The following RBPMS variants were observed in gnomAD, a reference collection of about 807,000 sequenced individuals.
The protein encoded by RBPMS is RNA-binding protein with multiple splicing.
In RBPMS, 7 loss-of-function variants were observed where a neutral mutation model predicts 26.8. The observed-to-expected ratio is 0.26, with a 90% CI of 0.15 to 0.49. The LOEUF is 0.49. RBPMS is among the 20% of genes least tolerant of loss of function. The pLI, the probability that RBPMS is intolerant of heterozygous loss-of-function variation, is 0.98. For missense variants in RBPMS, 186 were observed against 250.0 expected (o/e 0.74, Z 1.73); for synonymous variants, 96 against 93.3 (o/e 1.03, Z -0.17).
chr8:30,485,105 A>G (rs1440917875), intron 4 of RBPMS, among the ~76,000 whole-genome samples: 1 of 152,234 alleles, frequency 6.6e-6, no homozygotes, highest in Non-Finnish European at 1.5e-5. Flanking sequence ...ATGGAGGGAT[A>G]CCAGGGCAGT....
chr8:30,521,562 T>G (rs1823025770), intron 5 of RBPMS, among the ~76,000 whole-genome samples: 1 of 152,136 alleles, frequency 6.6e-6, no homozygotes, highest in African/African-American at 2.4e-5. Flanking sequence ...CTTCTCTCCC[T>G]CAGTTAGGGT....
At chr8:30,530,819 T>C (rs1465894531) in intron 5 of RBPMS, among the ~76,000 whole-genome samples, 1 of 152,134 alleles carries the variant, frequency 6.6e-6, no homozygotes, top group African/African-American at 2.4e-5. Flanking sequence ...CCTATGAGAA[T>C]AGGTACTACT....
chr8:30,474,790 A>G lies in RBPMS; in HGVS notation c.78A>G (p.Leu26=), dbSNP rs770557248. 1.2e-6 allele frequency: 2 copies of G among 1,610,650 alleles called. No individual in the cohort carries two copies. The highest frequency in any genetic ancestry group is 2.2e-5 in the East Asian group (1 of 44,824). ...ANLQEEEVRT[L]FVSGLPLDIK... ...ATTTATTTTTCCAGGTCCGGACCCT[A>G]TTTGTCAGTGGCCTTCCTCTGGATA... Residue 26 remains leucine, a synonymous_variant, in exon 2 of 9, where the codon CTA becomes CTG. Coordinates refer to ENST00000397323, the MANE Select transcript of RBPMS (RefSeq NM_001008710.3).
At chr8:30,532,297 A>T (rs561954976) in intron 5 of RBPMS, among the ~76,000 whole-genome samples, 1 of 152,326 alleles carries the variant, frequency 6.6e-6, no homozygotes, top group Non-Finnish European at 1.5e-5. Context: ...AGATCATCTG[A>T]TGAATCAAGG....
intron 4 of RBPMS, among the ~76,000 whole-genome samples, chr8:30,480,600 C>T (rs1052905957): frequency 1.3e-5 from 2 of 152,176 alleles, no homozygotes; most frequent in African/African-American, 4.8e-5. Context: ...AAATGACCTT[C>T]TTGTCAGAAT....
chr8:30,391,294 C>T, intron 1 of RBPMS, among the ~76,000 whole-genome samples: 1 of 152,204 alleles, frequency 6.6e-6, no homozygotes, highest in East Asian at 1.9e-4. Context: ...CTTCCAGAAG[C>T]CTTGGTTAGG....
chr8:30,543,530 G>A (rs1356647454), intron 5 of RBPMS, among the ~76,000 whole-genome samples: 5 of 152,134 alleles, frequency 3.3e-5, no homozygotes, highest in South Asian at 4.1e-4. Flanking sequence ...CCTGGATAGC[G>A]TCCTTGGCAC....
intron 1 of RBPMS, among the ~76,000 whole-genome samples, chr8:30,385,782 G>A (rs1806993950): frequency 6.6e-6 from 1 of 152,158 alleles, no homozygotes. Context: ...GGTTAAAAAC[G>A]CAGCAATTCA....
At chr8:30,560,151 T>G (rs566537902) in intron 7 of RBPMS, among the ~76,000 whole-genome samples, 25 of 151,552 alleles carry the variant, frequency 1.6e-4, no homozygotes, top group Non-Finnish European at 3.5e-4. Context: ...TTTTAAAGAG[T>G]GCTAGGGTTT....
chr8:30,438,612 G>A (rs1473035130), intron 1 of RBPMS, among the ~76,000 whole-genome samples: 1 of 152,158 alleles, frequency 6.6e-6, no homozygotes, highest in Non-Finnish European at 1.5e-5. Context: ...GGCATAATGA[G>A]AGAGGCATTT....
At chr8:30,448,259 A>T (rs1814111552) in intron 1 of RBPMS, among the ~76,000 whole-genome samples, 1 of 152,160 alleles carries the variant, frequency 6.6e-6, no homozygotes. Context: ...TGTATTTGAC[A>T]TTTTTCACAT....
rs971772208 is a variant in RBPMS at position 30,556,854 on chromosome 8, C to T, written c.529-2033C>T. The T allele has an allele frequency of 1.2e-5, 10 of 867,032 alleles. No homozygotes were observed. The African/African-American group carries it at 1.8e-4, about 16-fold the overall frequency. The allele number at this position is 867,032 out of a possible 1,614,324, so 53.7% of individuals were successfully genotyped here. A position where few individuals can be genotyped will look rare whatever the true frequency, so the allele number is the denominator to read the frequency against. ...CCTCCCTCTCCTCCCCTAGACTCTTCTGTCCCCTTCCCTGCCCGCCCCTAC... is the reference window on the plus strand; with the variant it reads ...CCTCCCTCTCCTCCCCTAGACTCTTTTGTCCCCTTCCCTGCCCGCCCCTAC... On this transcript the variant is annotated intron_variant, in intron 6 of 8. Transcript: ENST00000397323.
chr8:30,384,733 G>C lies in RBPMS; in HGVS notation c.-360G>C, dbSNP rs537023353. 5.3e-6 allele frequency: 1 copy of C among 187,982 alleles called. No individual in the cohort carries two copies. Among genetic ancestry groups the C allele is most frequent in the African/African-American group, 2.4e-5 (1 of 41,946 alleles). 11.6% of individuals were successfully genotyped at this position (187,982 alleles called of 1,614,324 possible). On this transcript the variant is annotated 5_prime_UTR_variant, in exon 1 of 9. Transcript: ENST00000397323. This position sits in a 1 kb window ranked among gnomAD's most constrained non-coding sequence, Gnocchi z 5.6. ...GCTTACTCCTGGGACGCGCGTCCTC[G>C]CCCCATCCTTTGCTTCCTTCCTTCC...
intron 5 of RBPMS, among the ~76,000 whole-genome samples, chr8:30,535,620 T>G (rs1824709985): frequency 6.6e-6 from 1 of 152,178 alleles, no homozygotes; most frequent in African/African-American, 2.4e-5. Context: ...AGATATAGGG[T>G]GTCACTATGT....
chr8:30,564,080 G>C (rs1416728725), intron 7 of RBPMS: 1 of 152,222 alleles, frequency 6.6e-6, no homozygotes, highest in African/African-American at 2.4e-5. Context: ...GGCCAGGTAA[G>C]CAGCTCAGTG....
intron 5 of RBPMS, among the ~76,000 whole-genome samples, chr8:30,537,878 A>G (rs995413975): frequency 6.6e-6 from 1 of 152,240 alleles, no homozygotes; most frequent in Non-Finnish European, 1.5e-5. Context: ...TTGTTTGGAC[A>G]TGGGAAGTGA....
At chr8:30,420,782 C>G (rs910776975) in intron 1 of RBPMS, among the ~76,000 whole-genome samples, 1 of 152,128 alleles carries the variant, frequency 6.6e-6, no homozygotes, top group Non-Finnish European at 1.5e-5. Context: ...TCTGTCAAGC[C>G]TTCGTGTTTC....
At chr8:30,549,827 T>TCTCCTCTCTCTCTCTC (rs1491219678) in intron 6 of RBPMS, among the ~76,000 whole-genome samples, 1 of 135,128 alleles carries the variant, frequency 7.4e-6, no homozygotes, top group African/African-American at 3.1e-5. Flanking sequence ...TCTCTCTCTC[T>TCTCCTCTCTCTCTCTC]TTTCTTTCTT....
At chr8:30,553,691 C>G (rs890166642) in intron 6 of RBPMS, 3 of 152,222 alleles carry the variant, frequency 2.0e-5, no homozygotes, top group African/African-American at 7.2e-5. Context: ...CTGAGAATAT[C>G]CATGCCTTCA....
Sources: allele counts gnomAD v4.1 joint callset (sites outside exome capture counted in the v4.1 genomes callset), GRCh38; gene constraint gnomAD v4.1.1; non-coding constraint Gnocchi (gnomAD v3.1); transcripts MANE v1.5; gene names NCBI Gene and HGNC (gene_info 2026-07-23, HGNC 2026-07-21).